PTPRT: variants seen among roughly 807,000 people sequenced by gnomAD.
PTPRT encodes protein tyrosine phosphatase receptor type T.
In PTPRT, 56 loss-of-function variants were observed where a neutral mutation model predicts 176.8. The observed-to-expected ratio is 0.32, with a 90% CI of 0.26 to 0.40. The LOEUF is 0.40. PTPRT is among the 10% of genes least tolerant of loss of function. The pLI is 1.00. For synonymous variants in PTPRT, 783 were observed against 739.0 expected, an observed-to-expected ratio of 1.06 and a Z score of -0.96; for missense variants, 1,540 against 1,908.2, an observed-to-expected ratio of 0.81 and a Z score of 3.60.
intron 7 of PTPRT, among the ~76,000 whole-genome samples, chr20:42,617,267 C>T (rs2074099704): frequency 7.3e-6 from 1 of 136,320 alleles, no homozygotes; most frequent in African/African-American, 3.3e-5. Context: ...ATTGAACCAG[C>T]CTTGCATCCC....
chr20:42,362,273 A>C (rs1381058850), intron 9 of PTPRT, among the ~76,000 whole-genome samples: 1 of 152,178 alleles, frequency 6.6e-6, no homozygotes, highest in African/African-American at 2.4e-5. Context: ...TCTCTAAAAA[A>C]CAAAAGTAAA....
rs373259743 is a variant in PTPRT at position 42,098,499 on chromosome 20, G to A, written c.3768C>T (p.Thr1256=). The change falls in exon 27 of 31, where the codon ACC becomes ACT. Residue 1256 remains threonine (T), a synonymous_variant. Transcript: ENST00000373187. ...FVVTQHPLPN[T]VADFWRLVFD... ...ACACCAGCCTCCAGAAGTCTGCCAC[G>A]GTGTTGGGTAGAGGGTGCTGGGTGA... 73 of 1,614,082 alleles carry A rather than the reference G, an allele frequency of 4.5e-5. No homozygotes were observed. Among genetic ancestry groups the A allele is most frequent in the Non-Finnish European group, 5.3e-5 (62 of 1,180,046 alleles).
At chr20:42,651,317 A>C (rs1259064809) in intron 7 of PTPRT, among the ~76,000 whole-genome samples, 2 of 152,206 alleles carry the variant, frequency 1.3e-5, no homozygotes, top group Non-Finnish European at 2.9e-5. Flanking sequence ...ATAAGAAAAT[A>C]TAGGCATACC....
intron 1 of PTPRT, among the ~76,000 whole-genome samples, chr20:43,112,322 A>G (rs1205180350): frequency 6.6e-6 from 1 of 152,220 alleles, no homozygotes; most frequent in Non-Finnish European, 1.5e-5. Flanking sequence ...GCCAAGGACT[A>G]TTGATGAGGG....
Position 42,588,986 on chromosome 20 carries a change from C to T in PTPRT, c.1153+88880G>A, listed in dbSNP as rs1323832568. Among the ~76,000 whole-genome samples the T allele has an allele frequency of 2.6e-5, 4 of 152,274 alleles. No individual in the cohort carries two copies. In the South Asian group the frequency reaches 6.2e-4, roughly 24 times the overall value. On this transcript the variant is annotated intron_variant, in intron 7 of 30. Transcript: ENST00000373187. Reference sequence around the variant, plus strand: ...TAAAAGGCAGAAATAGGATTTGAGTCCACAACACCTGGATCCAGAACCTAT... The same window carrying T: ...TAAAAGGCAGAAATAGGATTTGAGTTCACAACACCTGGATCCAGAACCTAT...
At chr20:42,957,478 C>T (rs1014562288) in intron 1 of PTPRT, among the ~76,000 whole-genome samples, 1 of 152,122 alleles carries the variant, frequency 6.6e-6, no homozygotes, top group African/African-American at 2.4e-5. Context: ...AGAGAAACTG[C>T]TGGAGAGAGA....
intron 1 of PTPRT, among the ~76,000 whole-genome samples, chr20:42,926,297 C>G (rs1010628347): frequency 6.6e-6 from 1 of 152,234 alleles, no homozygotes; most frequent in East Asian, 1.9e-4. Flanking sequence ...CCTGGACTAC[C>G]CCAGAGCCCT....
intron 27 of PTPRT, among the ~76,000 whole-genome samples, chr20:42,089,244 C>T (rs1183885305): frequency 1.3e-5 from 2 of 152,090 alleles, no homozygotes; most frequent in South Asian, 2.1e-4. Flanking sequence ...TTGGCTCTTC[C>T]GCCTTGCAAC....
At chr20:43,043,905 A>G (rs1478571010) in intron 1 of PTPRT, among the ~76,000 whole-genome samples, 2 of 152,136 alleles carry the variant, frequency 1.3e-5, no homozygotes, top group African/African-American at 4.8e-5. Context: ...TCTCAGATTC[A>G]GCGCTTCTTT....
chr20:42,512,054 C>T (rs1221654960), intron 7 of PTPRT, among the ~76,000 whole-genome samples: 1 of 152,112 alleles, frequency 6.6e-6, no homozygotes, highest in South Asian at 2.1e-4. Flanking sequence ...GGCAACTACT[C>T]ATAGCAATTT....
At chr20:42,397,640 G>C (rs1295235160) in intron 9 of PTPRT, among the ~76,000 whole-genome samples, 1 of 152,170 alleles carries the variant, frequency 6.6e-6, no homozygotes, top group Non-Finnish European at 1.5e-5. Flanking sequence ...TTTCGGGTCT[G>C]CATAATATTC....
chr20:43,022,004 C>T (rs938372439), intron 1 of PTPRT, among the ~76,000 whole-genome samples: 1 of 152,138 alleles, frequency 6.6e-6, no homozygotes, highest in African/African-American at 2.4e-5. Context: ...GAGTTGGCTT[C>T]CCTTTTAAGG....
chr20:43,073,061 T>C (rs2011201712), intron 1 of PTPRT, among the ~76,000 whole-genome samples: 1 of 152,130 alleles, frequency 6.6e-6, no homozygotes, highest in African/African-American at 2.4e-5. Context: ...CTAAAGTCCC[T>C]TGCAAGTCCA....
intron 15 of PTPRT, among the ~76,000 whole-genome samples, chr20:42,205,880 TG>T (rs2055446051): frequency 6.6e-6 from 1 of 152,146 alleles, no homozygotes; most frequent in Non-Finnish European, 1.5e-5. Context: ...CTGTCCTCTT[TG>T]AATCCAGGAT....
intron 13 of PTPRT, among the ~76,000 whole-genome samples, chr20:42,265,215 A>G (rs970087491): frequency 3.3e-5 from 5 of 152,130 alleles, no homozygotes; most frequent in East Asian, 1.9e-4. Context: ...GTATTTCCCA[A>G]TGCTGGCTCA....
chr20:42,648,300 T>C (rs925501909), intron 7 of PTPRT, among the ~76,000 whole-genome samples: 2 of 152,094 alleles, frequency 1.3e-5, no homozygotes, highest in African/African-American at 4.8e-5. Flanking sequence ...GTTGGGGTGC[T>C]TTGTCCTTAC....
intron 4 of PTPRT, among the ~76,000 whole-genome samples, chr20:42,779,409 C>A (rs1449117803): frequency 6.6e-6 from 1 of 152,160 alleles, no homozygotes; most frequent in African/African-American, 2.4e-5. Context: ...CTGGGAATCT[C>A]CAATCTGCAG....
At chr20:42,154,893 C>T (rs780204511) in intron 17 of PTPRT, among the ~76,000 whole-genome samples, 1 of 152,086 alleles carries the variant, frequency 6.6e-6, no homozygotes, top group Non-Finnish European at 1.5e-5. Context: ...AGGGAGGATG[C>T]TGTGGTTCAG....
At chr20:42,221,882 T>C (rs4375930) in intron 15 of PTPRT, among the ~76,000 whole-genome samples, 62,369 of 151,770 alleles carry the variant, frequency 0.41, 13,064 homozygotes, top group African/African-American at 0.49. Flanking sequence ...GAGAATAGCA[T>C]GGAGGGAAAC....
Sources: gnomAD v4.1 joint callset for allele counts (sites outside exome capture counted in the v4.1 genomes callset) on GRCh38, gnomAD v4.1.1 for gene constraint, MANE v1.5 for transcripts, NCBI Gene and HGNC (gene_info 2026-07-23, HGNC 2026-07-21) for gene names.